Variants in MYO5B observed in about 807,000 individuals in gnomAD.
MYO5B encodes myosin VB, also known as unconventional myosin-Vb.
In MYO5B, 143 loss-of-function variants were observed where a neutral mutation model predicts 229.3. The observed-to-expected ratio is 0.62, with a 90% confidence interval of 0.54 to 0.72. The LOEUF (loss-of-function observed/expected upper bound fraction) is 0.72. Ranked by LOEUF, MYO5B falls within the 30% of genes least tolerant of loss-of-function variation. MYO5B has a pLI of 0.00. For missense variants in MYO5B, 2,321 were observed against 2,331.0 expected (o/e 1.00, Z 0.09); for synonymous variants, 918 against 885.2 (o/e 1.04, Z -0.66).
At chr18:49,889,291 T>G (rs901693218) in intron 22 of MYO5B, among the ~76,000 whole-genome samples, 7 of 152,234 alleles carry the variant, frequency 4.6e-5, no homozygotes, top group Admixed American at 4.6e-4. Flanking sequence ...GTTCACTCAA[T>G]GACTTCAGGA....
chr18:50,026,392 G>A (rs2026331676), intron 4 of MYO5B, among the ~76,000 whole-genome samples: 1 of 152,238 alleles, frequency 6.6e-6, no homozygotes, highest in Non-Finnish European at 1.5e-5. Flanking sequence ...CACTCTAACT[G>A]TAGAACTGAA....
intron 9 of MYO5B, among the ~76,000 whole-genome samples, 183 bp from the exon 10 acceptor site, chr18:49,974,798 G>GACACACAGAC (rs1460518712): frequency 7.6e-6 from 1 of 130,996 alleles, no homozygotes; most frequent in Non-Finnish European, 1.6e-5. Flanking sequence ...CACACACACA[G>GACACACAGAC]ACACACACAC....
chr18:49,974,792 C>CAT, intron 9 of MYO5B, among the ~76,000 whole-genome samples, 177 bp from the exon 10 acceptor site: 1 of 145,634 alleles, frequency 6.9e-6, no homozygotes, highest in Non-Finnish European at 1.5e-5. Flanking sequence ...CACACACACA[C>CAT]ACACAGACAC....
intron 1 of MYO5B, among the ~76,000 whole-genome samples, chr18:50,063,017 G>A (rs967517195): frequency 2.0e-5 from 3 of 152,080 alleles, no homozygotes; most frequent in Non-Finnish European, 2.9e-5. Flanking sequence ...CCCAGTATCT[G>A]GCACATTTTA....
At chr18:50,070,018 C>CTTTTTTTTT (rs765610800) in intron 1 of MYO5B, among the ~76,000 whole-genome samples, 11 of 110,064 alleles carry the variant, frequency 1.0e-4, no homozygotes, top group African/African-American at 3.8e-4. Flanking sequence ...GCAATTTAGT[C>CTTTTTTTTT]TTTTTTTTTT....
chr18:49,840,045 G>A (rs1482568441), intron 35 of MYO5B: 1 of 153,150 alleles, frequency 6.5e-6, no homozygotes, highest in Non-Finnish European at 1.5e-5. Flanking sequence ...TAATGATGAA[G>A]ATAGAGTCAA....
At chr18:49,962,156 C>T in intron 12 of MYO5B, 110 bp downstream of exon 12, 1 of 1,437,820 alleles carries the variant, frequency 7.0e-7, no homozygotes, top group Non-Finnish European at 9.8e-7. Context: ...TCTTCCAGCA[C>T]ACTGAAGGCC....
intron 1 of MYO5B, among the ~76,000 whole-genome samples, chr18:50,070,113 C>T (rs975788969): frequency 1.3e-4 from 20 of 151,004 alleles, no homozygotes; most frequent in African/African-American, 4.7e-4. Flanking sequence ...CCTCTGCCTC[C>T]CAGGTTCAAG....
At chr18:50,155,738 G>A (rs1369930951) in intron 1 of MYO5B, among the ~76,000 whole-genome samples, 1 of 152,198 alleles carries the variant, frequency 6.6e-6, no homozygotes. Flanking sequence ...AATCAGAAAA[G>A]CAATTCTCTT....
At position 50,150,654 on chromosome 18, in the gene MYO5B, G is replaced by A. The variant is rs180860158; in HGVS notation, c.27+44113C>T. 2.4e-4 allele frequency among the ~76,000 whole-genome samples: 36 copies of A among 152,232 alleles called. No homozygotes were observed. In the East Asian group the frequency reaches 4.1e-3, roughly 17 times the overall value. On this transcript the variant is annotated intron_variant, in intron 1 of 39. Coordinates refer to ENST00000285039, the MANE Select transcript of MYO5B (RefSeq NM_001080467.3). ...ACAATGGGAACACATGGACACAGGA[G>A]GGGGAACATCACACTCTGGGGACTG...
chr18:49,837,588 G>T lies in MYO5B; in HGVS notation c.5067C>A (p.Ile1689=). 6.2e-7 allele frequency: 1 copy of T among 1,613,988 alleles called. No individual in the cohort carries two copies. The highest frequency in any genetic ancestry group is 1.1e-5 in the South Asian group (1 of 91,058). The change falls in exon 37 of 40, where the codon ATC becomes ATA. Residue 1689 remains isoleucine (I), a synonymous_variant. Transcript: ENST00000285039. ...GCAGGTTGTTAAGAGTCACTGCGTT[G>T]ATCATGTAGAAGAGCTGTTTGAATA... The part of the protein sequence containing the change: ...LQVFKQLFYM[I]NAVTLNNLLL...
In MYO5B at chr18:50,139,836, A is replaced by G. The variant is rs376888539; in HGVS notation, c.27+54931T>C. Among the ~76,000 whole-genome samples the G allele has an allele frequency of 2.4e-4, 37 of 152,356 alleles. No individual in the cohort carries two copies. In the South Asian group the frequency reaches 7.7e-3, roughly 32 times the overall value. ...CATTCTCTTCACAGCTCCAATAGCA[A>G]AAACTACAAATACTTTTGCACCAAC... On this transcript the variant is annotated intron_variant, in intron 1 of 39. Transcript: ENST00000285039.
At chr18:50,027,029 A>C (rs965641257) in intron 4 of MYO5B, among the ~76,000 whole-genome samples, 2 of 152,162 alleles carry the variant, frequency 1.3e-5, no homozygotes, top group East Asian at 3.9e-4. Context: ...TTGTCAGACT[A>C]GGTTTTCAGC....
At chr18:49,896,934 T>G (rs1361472510) in intron 21 of MYO5B, among the ~76,000 whole-genome samples, 1 of 152,152 alleles carries the variant, frequency 6.6e-6, no homozygotes, top group Non-Finnish European at 1.5e-5. Context: ...AGGAATATAA[T>G]AGTAACTCCT....
intron 1 of MYO5B, among the ~76,000 whole-genome samples, chr18:50,183,558 G>A (rs2033106470): frequency 6.6e-6 from 1 of 151,888 alleles, no homozygotes; most frequent in Non-Finnish European, 1.5e-5. Flanking sequence ...GCTTTTCACT[G>A]GAGGATGTTA....
rs1438834215 is a variant in MYO5B, at chr18:49,824,849, T to C, written c.*1622A>G. ...TTTAATGTGGATGTAGAGGGGATAA[T>C]GCCCATGACAACTGATTGGAACACA... On this transcript the variant is annotated 3_prime_UTR_variant, in exon 40 of 40. Transcript: ENST00000285039. 1.3e-5 allele frequency: 2 copies of C among 152,206 alleles called. No individual in the cohort carries two copies. The highest frequency in any genetic ancestry group is 2.9e-5 in the Non-Finnish European group (2 of 68,034). The allele number at this position is 152,206 out of a possible 1,614,324, so 9.4% of individuals were successfully genotyped here.
At chr18:50,012,672 A>C (rs1329898436) in intron 4 of MYO5B, among the ~76,000 whole-genome samples, 1 of 152,230 alleles carries the variant, frequency 6.6e-6, no homozygotes, top group Non-Finnish European at 1.5e-5. Flanking sequence ...CACCAGAAAG[A>C]AAGTGCTTCC....
chr18:50,143,959 C>A (rs189222054), intron 1 of MYO5B, among the ~76,000 whole-genome samples: 15 of 152,246 alleles, frequency 9.9e-5, no homozygotes, highest in African/African-American at 3.6e-4. Context: ...ATCATCTAGC[C>A]GGACAGAATG....
At chr18:49,929,453 A>C in intron 17 of MYO5B, 59 bp downstream of exon 17, 2 of 1,432,994 alleles carry the variant, frequency 1.4e-6, no homozygotes, top group Non-Finnish European at 1.9e-6. Context: ...TCCCTGGGGA[A>C]CCAAACTCTG....
Sources: allele counts gnomAD v4.1 joint callset (sites outside exome capture counted in the v4.1 genomes callset), GRCh38; gene constraint gnomAD v4.1.1; transcripts MANE v1.5; gene names NCBI Gene and HGNC (gene_info 2026-07-23, HGNC 2026-07-21).